The following UTP20 variants were observed in gnomAD, a reference collection of about 807,000 sequenced individuals.
UTP20 encodes UTP20 small subunit processome component, also known as small subunit processome component 20 homolog.
A neutral mutation model predicts 329.5 loss-of-function variants in UTP20; 164 were observed. The observed-to-expected ratio is 0.50, with a 90% CI of 0.44 to 0.57. The LOEUF is 0.57. Ranked by LOEUF, UTP20 falls within the 20% of genes least tolerant of loss-of-function variation. UTP20 has a pLI of 0.00. For synonymous variants in UTP20, 1,151 were observed against 1,159.3 expected, an observed-to-expected ratio of 0.99 and a Z score of 0.14; for missense variants, 3,055 against 3,284.2, an observed-to-expected ratio of 0.93 and a Z score of 1.71.
Position 101,327,263 on chromosome 12 carries a change from C to G in UTP20, c.3208+16C>G. 1 of 1,579,318 alleles carries G rather than the reference C, an allele frequency of 6.3e-7. No homozygotes were observed. Among genetic ancestry groups the G allele is most frequent in the Non-Finnish European group, 8.7e-7 (1 of 1,154,020 alleles). The stretch of plus-strand genomic sequence containing the variant: ...TTCAAGAATGGTAACTATCAGCTAC[C>G]TCTCACTCTAATACCTGTTGTCTGC... On this transcript the variant is annotated intron_variant, in intron 26 of 61. Transcript: ENST00000261637.
intron 54 of UTP20, among the ~76,000 whole-genome samples, chr12:101,374,150 G>T (rs899522332): frequency 2.6e-4 from 39 of 150,704 alleles, no homozygotes; most frequent in African/African-American, 9.2e-4. Context: ...CAGGAGAATG[G>T]CGTGAACCCG....
At chr12:101,365,108 G>GTGTGTT (rs2121009736) in intron 45 of UTP20, among the ~76,000 whole-genome samples, 1 of 148,336 alleles carries the variant, frequency 6.7e-6, no homozygotes, top group African/African-American at 2.4e-5. Flanking sequence ...GTGTGTGTGT[G>GTGTGTT]TGTTTGCCTC....
rs940897960 is a variant in UTP20, at chr12:101,338,350, A to G, written c.3868+73A>G. The G allele has an allele frequency of 6.0e-6, 9 of 1,502,224 alleles. No individual in the cohort carries two copies. The African/African-American group carries it at 6.9e-5, about 12-fold the overall frequency. The allele number at this position is 1,502,224 out of a possible 1,614,324, so 93.1% of individuals were successfully genotyped here. On this transcript the variant is annotated intron_variant, in intron 30 of 61. Coordinates refer to ENST00000261637, the MANE Select transcript of UTP20 (RefSeq NM_014503.3). ...ATTGTTTCCTTAGAAGAGAAAAAAA[A>G]TCAGTATAATTTGACTCACTCGAGA...
intron 25 of UTP20, among the ~76,000 whole-genome samples, chr12:101,325,620 A>G (rs1242792587): frequency 6.6e-6 from 1 of 152,202 alleles, no homozygotes; most frequent in Non-Finnish European, 1.5e-5. Context: ...TGCATAAAAT[A>G]CTTTTGCTGT....
Position 101,281,168 on chromosome 12 carries a change from G to A in UTP20, c.98G>A (p.Arg33Gln), listed in dbSNP as rs1254828460. The A allele has an allele frequency of 3.1e-6, 5 of 1,613,062 alleles. No individual in the cohort carries two copies. Among genetic ancestry groups the A allele is most frequent in the East Asian group, 2.2e-5 (1 of 44,826 alleles). The change falls in exon 2 of 62, where the codon CGG (arginine) becomes CAG (glutamine). Residue 33 changes from arginine (R) to glutamine (Q), a missense_variant. Arg to Gln is a conservative substitution (Grantham distance 43). Coordinates refer to ENST00000261637, the MANE Select transcript of UTP20 (RefSeq NM_014503.3). The part of the protein sequence containing the change: ...LGNVNIDIIH[R>Q]IDRTASYEEE... Reference sequence around the variant, plus strand: ...AATGTTAATATTGATATTATTCACCGGATTGATAGAACTGCAAGCTATGAG... The same window carrying A: ...AATGTTAATATTGATATTATTCACCAGATTGATAGAACTGCAAGCTATGAG...
In UTP20 at chr12:101,302,483, C is replaced by G. The variant is rs773438739; in HGVS notation, c.1711C>G (p.Leu571Val). ...TGTTCTTTGTCAAGCTGTAAATACT[C>G]TACTAAGTTTGGAAGAATCTTCTGA... ...LFVLCQAVNT[L>V]LSLEESSELL... Residue 571 changes from leucine to valine, a missense_variant, in exon 15 of 62, where the codon CTA (leucine) becomes GTA (valine). By Grantham distance (32) the Leu-to-Val change is conservative. Around this residue, in one of 3 missense-constraint regions of UTP20, gnomAD observed 2,445 missense variants for 2,575.5 expected, o/e 0.95. Transcript: ENST00000261637. 3 of 1,610,482 alleles carry G rather than the reference C, an allele frequency of 1.9e-6. No individual in the cohort carries two copies. The highest frequency in any genetic ancestry group is 1.1e-5 in the South Asian group (1 of 89,630).
Position 101,374,832 on chromosome 12 carries a change from C to G in UTP20, c.7156C>G (p.Leu2386Val), listed in dbSNP as rs1033522898. ...GCGCTTAAATAGACAACTTGCTGCC[C>G]TGATCTGTGGCTTGTTTGTGGAAAG... Reference protein sequence around the residue: ...KKRLNRQLAALICGLFVESEG... With the variant: ...KKRLNRQLAAVICGLFVESEG... The change falls in exon 55 of 62, where the codon CTG (leucine) becomes GTG (valine). Residue 2386 changes from leucine (L) to valine (V), a missense_variant. Around this residue, in one of 3 missense-constraint regions of UTP20, gnomAD observed 273 missense variants for 363.1 expected, o/e 0.75. Transcript: ENST00000261637. The G allele has an allele frequency of 8.1e-7, 1 of 1,229,864 alleles. No individual in the cohort carries two copies. The highest frequency in any genetic ancestry group is 1.2e-6 in the Non-Finnish European group (1 of 828,578). 76.2% of individuals were successfully genotyped at this position (1,229,864 alleles called of 1,614,324 possible).
chr12:101,318,656 C>T (rs1331159028), intron 22 of UTP20, among the ~76,000 whole-genome samples: 3 of 151,888 alleles, frequency 2.0e-5, no homozygotes, highest in Admixed American at 2.0e-4. Context: ...CATGGTAAAA[C>T]GCTGTCTCTA....
chr12:101,378,371 T>G (rs904318289), intron 56 of UTP20, among the ~76,000 whole-genome samples: 4 of 152,182 alleles, frequency 2.6e-5, no homozygotes, highest in African/African-American at 9.7e-5. Flanking sequence ...GAGCCACCAA[T>G]TCTACTGATT....
intron 28 of UTP20, 114 bp downstream of exon 28, chr12:101,333,558 A>G (rs1051117420): frequency 2.3e-6 from 3 of 1,323,396 alleles, no homozygotes; most frequent in Non-Finnish European, 2.1e-6. Context: ...TTCCTTTTAC[A>G]TCGAGCCCTT....
chr12:101,290,382 C>G (rs1872100722), intron 7 of UTP20, 108 bp downstream of exon 7: 7 of 1,314,112 alleles, frequency 5.3e-6, no homozygotes, highest in Admixed American at 2.8e-5. Context: ...GTACATAGCA[C>G]TAGATGAGGA....
intron 11 of UTP20, among the ~76,000 whole-genome samples, chr12:101,294,910 T>C (rs1872298982): frequency 6.6e-6 from 1 of 152,214 alleles, no homozygotes; most frequent in African/African-American, 2.4e-5. Flanking sequence ...TTTGAATGGC[T>C]GGCCAAAGAG....
At chr12:101,384,200 T>C (rs993073180) in intron 60 of UTP20, among the ~76,000 whole-genome samples, 2 of 152,198 alleles carry the variant, frequency 1.3e-5, no homozygotes, top group African/African-American at 4.8e-5. Flanking sequence ...TTAAACCTCA[T>C]AGCACAATGA....
intron 18 of UTP20, among the ~76,000 whole-genome samples, chr12:101,309,381 C>T (rs117220145): frequency 0.014 from 2,130 of 152,288 alleles, 29 homozygotes; most frequent in East Asian, 0.08. Flanking sequence ...TCATTCACAG[C>T]ATGTTTCCTT....
rs1366707606 is a variant in UTP20 at position 101,311,362 on chromosome 12, A to T, written c.2232-357A>T. On this transcript the variant is annotated intron_variant, in intron 19 of 61. Transcript: ENST00000261637. ...GGTGGAGGGAAACTAATTATTTTTAAGTTAGTTTTGAACAAACTGACTTTT... is the reference window on the plus strand; with the variant it reads ...GGTGGAGGGAAACTAATTATTTTTATGTTAGTTTTGAACAAACTGACTTTT... Among the ~76,000 whole-genome samples, 3 of 152,162 alleles carry T rather than the reference A, an allele frequency of 2.0e-5. No homozygotes were observed. The East Asian group carries it at 5.8e-4, about 29-fold the overall frequency.
chr12:101,354,505 T>C (rs911815757), intron 40 of UTP20, among the ~76,000 whole-genome samples: 6 of 152,186 alleles, frequency 3.9e-5, no homozygotes, highest in Admixed American at 3.3e-4. Context: ...AGGATTTTCA[T>C]GCTCATGAAG....
rs577100949 is a variant in UTP20 at position 101,330,163 on chromosome 12, AGG to A, written c.3417+717_3417+718del. Reference sequence around the variant, plus strand: ...AAATATAATAGAAAGTGATCAGTGTAGGGGTGGATAGGTGCTGCATTTACTAG... The same window carrying A: ...AAATATAATAGAAAGTGATCAGTGTAGGTGGATAGGTGCTGCATTTACTAG... On this transcript the variant is annotated intron_variant, in intron 27 of 61. Transcript: ENST00000261637. 9.7e-4 allele frequency among the ~76,000 whole-genome samples: 148 copies of A among 152,298 alleles called. 1 individual carries two copies. Among genetic ancestry groups the A allele is most frequent in the Admixed American group, 9.2e-3 (141 of 15,284 alleles).
chr12:101,378,019 C>T (rs556580858), intron 56 of UTP20, among the ~76,000 whole-genome samples: 3 of 152,010 alleles, frequency 2.0e-5, no homozygotes, highest in Non-Finnish European at 4.4e-5. Context: ...CTCAGGAGTT[C>T]GAGACCAGCG....
chr12:101,354,409 A>T (rs1858075581), intron 40 of UTP20, among the ~76,000 whole-genome samples: 1 of 152,132 alleles, frequency 6.6e-6, no homozygotes, highest in African/African-American at 2.4e-5. Context: ...ATTTCAGATG[A>T]TTGGAAAAGA....
Sources: gnomAD v4.1 joint callset for allele counts (sites outside exome capture counted in the v4.1 genomes callset) on GRCh38, gnomAD v4.1.1 for gene constraint, gnomAD v4.1.1 regional missense constraint, MANE v1.5 for transcripts, NCBI Gene and HGNC (gene_info 2026-07-23, HGNC 2026-07-21) for gene names.